The following PDE4A variants were observed in gnomAD, a reference collection of about 807,000 sequenced individuals.
PDE4A encodes the protein phosphodiesterase 4A, also known as 3',5'-cyclic-AMP phosphodiesterase 4A.
A neutral mutation model predicts 73.9 loss-of-function variants in PDE4A; 21 were observed. The observed-to-expected ratio is 0.28, with a 90% CI of 0.20 to 0.41. The LOEUF is 0.41. Among genes scored for constraint, PDE4A ranks in the 10% least tolerant of loss-of-function variants. The pLI, the probability that PDE4A is intolerant of heterozygous loss-of-function variation, is 1.00. For synonymous variants in PDE4A, 463 were observed against 505.4 expected, an observed-to-expected ratio of 0.92 and a Z score of 1.13; for missense variants, 958 against 1,211.4, an observed-to-expected ratio of 0.79 and a Z score of 3.10.
chr19:10,418,200 G>C (rs12984237), upstream of PDE4A, among the ~76,000 whole-genome samples: 4 of 152,190 alleles, frequency 2.6e-5, no homozygotes, highest in Non-Finnish European at 5.9e-5. Flanking sequence ...CCCCGCCTGG[G>C]AGGATCAGGT....
chr19:10,416,773 C>T (rs1208341324), upstream of PDE4A: 9 of 1,479,470 alleles, frequency 6.1e-6, no homozygotes, highest in African/African-American at 1.3e-4. Flanking sequence ...AGTCCGCTGA[C>T]GTCACGCCCC....
intron 1 of PDE4A, among the ~76,000 whole-genome samples, chr19:10,444,758 C>T (rs562031936): frequency 2.6e-4 from 39 of 151,746 alleles, no homozygotes; most frequent in African/African-American, 7.7e-4. Flanking sequence ...CTGCAACCTC[C>T]GTTTCCTGGG....
Position 10,461,530 on chromosome 19 carries a change from G to C in PDE4A, c.1470G>C (p.Ser490=), listed in dbSNP as rs753205399. The C allele has an allele frequency of 3.1e-6, 5 of 1,613,940 alleles. No homozygotes were observed. Among genetic ancestry groups the C allele is most frequent in the East Asian group, 4.5e-5 (2 of 44,880 alleles). Residue 490 remains serine (S), a synonymous_variant, in exon 12 of 15, where the codon TCG becomes TCC. Coordinates refer to ENST00000380702, the MANE Select transcript of PDE4A (RefSeq NM_001111307.2). Reference sequence around the variant, plus strand: ...GACCTCCGGGCTGGGCTGCAGATTCGGAGCTGGCGCTCATGTACAACGATG... The same window carrying C: ...GACCTCCGGGCTGGGCTGCAGATTCCGAGCTGGCGCTCATGTACAACGATG... The part of the protein sequence containing the change: ...VSNQFLINTN[S]ELALMYNDES...
In PDE4A at chr19:10,427,406, C is replaced by A. The variant is rs185255808; in HGVS notation, c.320+6322C>A. The A allele has an allele frequency of 6.4e-4, 498 of 776,750 alleles. 3 individuals are homozygous for A. In the African/African-American group the frequency reaches 8.1e-3, roughly 13 times the overall value. 48.1% of individuals were successfully genotyped at this position (776,750 alleles called of 1,614,324 possible). On this transcript the variant is annotated intron_variant, in intron 1 of 14. Transcript: ENST00000380702. The stretch of plus-strand genomic sequence containing the variant: ...TCCTGTGGTGGGAGTGTGTCTGATA[C>A]GTTGGAGGCAAGTGTGTCTGAGGCA...
In PDE4A at chr19:10,467,870, A is replaced by C. The variant is rs1333957536; in HGVS notation, c.*249A>C. ...TCCCGGAAGGGATTTTATTTTTTTG[A>C]ATTTTAATTGTAACATTTTTAGAAA... On this transcript the variant is annotated 3_prime_UTR_variant, in exon 15 of 15. Transcript: ENST00000380702. The C allele has an allele frequency of 2.7e-6, 1 of 363,868 alleles. No homozygotes were observed. Among genetic ancestry groups the C allele is most frequent in the Non-Finnish European group, 4.9e-6 (1 of 205,004 alleles). The allele number at this position is 363,868 out of a possible 1,614,324, so 22.5% of individuals were successfully genotyped here. A position where few individuals can be genotyped will look rare whatever the true frequency, so the allele number is the denominator to read the frequency against.
At chr19:10,417,793 T>TGCC, upstream of PDE4A, 1 of 1,557,944 alleles carries the variant, frequency 6.4e-7, no homozygotes, top group Non-Finnish European at 8.6e-7. Flanking sequence ...GGGGTCCCTC[T>TGCC]GCCGCCACGG....
intron 1 of PDE4A, among the ~76,000 whole-genome samples, chr19:10,439,368 G>T (rs1406008296): frequency 6.6e-6 from 1 of 152,062 alleles, no homozygotes; most frequent in Non-Finnish European, 1.5e-5. Flanking sequence ...TTTTAGTAGA[G>T]ATTGGGTTTC....
At chr19:10,431,246 C>T (rs1221716231) in intron 1 of PDE4A, among the ~76,000 whole-genome samples, 2 of 152,200 alleles carry the variant, frequency 1.3e-5, no homozygotes, top group Admixed American at 6.5e-5. Flanking sequence ...GCCCTGGAGA[C>T]CTCTGATAGG....
At chr19:10,456,455 G>T (rs1275319213) in intron 7 of PDE4A, among the ~76,000 whole-genome samples, 1 of 152,022 alleles carries the variant, frequency 6.6e-6, no homozygotes, top group Non-Finnish European at 1.5e-5. Context: ...CAACCTGGGA[G>T]ATGGAGGTTG....
intron 1 of PDE4A, among the ~76,000 whole-genome samples, chr19:10,436,811 G>A (rs986483022): frequency 3.9e-5 from 6 of 152,060 alleles, no homozygotes; most frequent in South Asian, 2.1e-4. Context: ...AGGCTGAGGC[G>A]GGTGGATCAC....
At chr19:10,446,582 CTTTT>C (rs61359557) in intron 2 of PDE4A, among the ~76,000 whole-genome samples, 173 bp downstream of exon 2, 1 of 143,238 alleles carries the variant, frequency 7.0e-6, no homozygotes, top group African/African-American at 2.5e-5. Flanking sequence ...GGCTCAGTTC[CTTTT>C]TTTTTTTTTT....
chr19:10,449,056 C>T, intron 3 of PDE4A, 24 bp from the exon 4 acceptor site: 4 of 1,612,710 alleles, frequency 2.5e-6, no homozygotes, highest in Non-Finnish European at 2.5e-6. Context: ...GAACCCCACT[C>T]CTCACTGCCG....
At chr19:10,465,259 C>T (rs2043346429) in intron 14 of PDE4A, among the ~76,000 whole-genome samples, 1 of 150,374 alleles carries the variant, frequency 6.7e-6, no homozygotes, top group Admixed American at 6.7e-5. Flanking sequence ...TCCTTCTTGT[C>T]ACCCAGGCTG....
rs2144513771 is a variant in PDE4A, at chr19:10,463,962, T to G, written c.1913T>G (p.Val638Gly). 1 of 1,614,090 alleles carries G rather than the reference T, an allele frequency of 6.2e-7. No homozygotes were observed. Among genetic ancestry groups the G allele is most frequent in the Non-Finnish European group, 8.5e-7 (1 of 1,179,978 alleles). Residue 638 changes from valine (V) to glycine (G), a missense_variant, in exon 14 of 15, where the codon GTG becomes GGG. Transcript: ENST00000380702. The stretch of plus-strand genomic sequence containing the variant: ...ATGTGTGACAAGCACACTGCCTCCG[T>G]GGAGAAGTCTCAGGTACAGGCTCGG... Reference protein sequence around the residue: ...SPMCDKHTASVEKSQVGFIDY... With the variant: ...SPMCDKHTASGEKSQVGFIDY...
chr19:10,437,616 C>T (rs2042882399), intron 1 of PDE4A, among the ~76,000 whole-genome samples: 1 of 152,012 alleles, frequency 6.6e-6, no homozygotes, highest in Non-Finnish European at 1.5e-5. Flanking sequence ...CAGGGTCTTG[C>T]TATGTTGCCC....
upstream of PDE4A, chr19:10,417,467 A>G (rs1331764589): frequency 1.0e-6 from 1 of 981,194 alleles, no homozygotes; most frequent in Admixed American, 6.2e-5. Context: ...TATGGCTGAG[A>G]AGGGGCACTC....
At chr19:10,443,946 G>A (rs1002832484) in intron 1 of PDE4A, among the ~76,000 whole-genome samples, 8 of 149,548 alleles carry the variant, frequency 5.3e-5, no homozygotes, top group African/African-American at 2.0e-4. Context: ...GGCAGAGGTT[G>A]CAATGAGCCA....
chr19:10,450,759 G>A (rs1487796693), intron 5 of PDE4A, 70 bp from the exon 6 acceptor site: 3 of 1,577,850 alleles, frequency 1.9e-6, no homozygotes, highest in East Asian at 2.3e-5. Context: ...ACCCCGTCAC[G>A]GCGGTCTGGA....
chr19:10,467,227 C>T lies in PDE4A; in HGVS notation c.2267C>T (p.Pro756Leu), dbSNP rs145597767. The T allele has an allele frequency of 1.4e-5, 22 of 1,614,038 alleles. No homozygotes were observed. Among genetic ancestry groups the T allele is most frequent in the Middle Eastern group, 1.6e-4 (1 of 6,084 alleles). Residue 756 changes from proline to leucine, a missense_variant, in exon 15 of 15, where the codon CCG (proline) becomes CTG (leucine). Coordinates refer to ENST00000380702, the MANE Select transcript of PDE4A (RefSeq NM_001111307.2). ...LDATIAWEAS[P>L]AQESLEVMAQ... ...GCAACCATAGCCTGGGAGGCATCCC[C>T]GGCCCAGGAGTCGTTGGAAGTTATG...
Sources: allele counts gnomAD v4.1 joint callset (sites outside exome capture counted in the v4.1 genomes callset), GRCh38; gene constraint gnomAD v4.1.1; transcripts MANE v1.5; gene names NCBI Gene and HGNC (gene_info 2026-07-23, HGNC 2026-07-21).